The following CADM1 variants were observed in gnomAD, a reference collection of about 807,000 sequenced individuals.
The protein encoded by CADM1 is cell adhesion molecule 1.
CADM1 carries 15 observed loss-of-function variants against 53.1 expected under a neutral mutation model. The ratio of observed to expected loss-of-function variants is 0.28; its 90% CI spans 0.19 to 0.44. The LOEUF (loss-of-function observed/expected upper bound fraction) is 0.44, where lower values mean the gene tolerates loss of function less well. CADM1 is among the 20% of genes least tolerant of loss of function. The probability of loss-of-function intolerance (pLI) is 1.00; values close to 1 mark genes in which losing one functional copy is unlikely to be tolerated. For synonymous variants in CADM1, 281 were observed against 243.0 expected (o/e 1.16, Z -1.45); for missense variants, 434 against 611.3 (o/e 0.71, Z 3.06).
chr11:115,320,957 C>T (rs537597541), intron 1 of CADM1, among the ~76,000 whole-genome samples: 1 of 152,058 alleles, frequency 6.6e-6, no homozygotes. Flanking sequence ...AATAATTATT[C>T]TATCTAAAGC....
intron 1 of CADM1, among the ~76,000 whole-genome samples, chr11:115,405,995 G>C (rs1947303625): frequency 2.0e-5 from 3 of 152,140 alleles, no homozygotes; most frequent in Admixed American, 2.0e-4. Context: ...CTATATATGT[G>C]AAATATACAA....
chr11:115,351,387 C>T (rs1047578628), intron 1 of CADM1, among the ~76,000 whole-genome samples: 1 of 152,170 alleles, frequency 6.6e-6, no homozygotes, highest in African/African-American at 2.4e-5. Context: ...AACAGATAGG[C>T]AGTTGATAGC....
chr11:115,489,128 T>C (rs936320910), intron 1 of CADM1, among the ~76,000 whole-genome samples: 1 of 152,242 alleles, frequency 6.6e-6, no homozygotes, highest in African/African-American at 2.4e-5. Context: ...AAAGTCTAGG[T>C]ATCCCAGGAC....
intron 1 of CADM1, among the ~76,000 whole-genome samples, chr11:115,412,496 G>C (rs1947484131): frequency 6.6e-6 from 1 of 152,198 alleles, no homozygotes; most frequent in Admixed American, 6.5e-5. Context: ...ACTGTGCACA[G>C]CCCCTGAATC....
At chr11:115,493,310 G>A (rs1398746801) in intron 1 of CADM1, among the ~76,000 whole-genome samples, 1 of 151,468 alleles carries the variant, frequency 6.6e-6, no homozygotes, top group Non-Finnish European at 1.5e-5. Context: ...GGAAGAGTAG[G>A]GAAGGCAAGC....
At chr11:115,259,066 A>G (rs1260619672) in intron 1 of CADM1, among the ~76,000 whole-genome samples, 1 of 152,048 alleles carries the variant, frequency 6.6e-6, no homozygotes, top group African/African-American at 2.4e-5. Flanking sequence ...GCTTACTACA[A>G]CCTCTGCTCC....
chr11:115,331,327 G>C (rs1489073302), intron 1 of CADM1, among the ~76,000 whole-genome samples: 1 of 152,028 alleles, frequency 6.6e-6, no homozygotes, highest in African/African-American at 2.4e-5. Flanking sequence ...AGTGTTTTTA[G>C]GCAAAGATTT....
At chr11:115,331,028 T>C (rs1272344154) in intron 1 of CADM1, among the ~76,000 whole-genome samples, 1 of 152,132 alleles carries the variant, frequency 6.6e-6, no homozygotes, top group Non-Finnish European at 1.5e-5. Flanking sequence ...AGGTTGCAGG[T>C]TGGGGGGCCT....
At chr11:115,484,674 G>A (rs1289475980) in intron 1 of CADM1, among the ~76,000 whole-genome samples, 2 of 152,112 alleles carry the variant, frequency 1.3e-5, no homozygotes, top group Non-Finnish European at 2.9e-5. Context: ...TGGGCCGGGC[G>A]CGGTGGCTCA....
chr11:115,234,944 A>T (rs1941960799), intron 3 of CADM1, among the ~76,000 whole-genome samples: 1 of 150,726 alleles, frequency 6.6e-6, no homozygotes, highest in Admixed American at 6.6e-5. Context: ...AGAAAAATGA[A>T]GGGCTTATTC....
intron 7 of CADM1, among the ~76,000 whole-genome samples, chr11:115,212,480 C>A (rs762354376): frequency 6.6e-6 from 1 of 152,152 alleles, no homozygotes; most frequent in Non-Finnish European, 1.5e-5. Flanking sequence ...TCTAGCAAAT[C>A]CCTAGACAAG....
chr11:115,224,300 A>G (rs1000690776), intron 5 of CADM1, among the ~76,000 whole-genome samples: 1 of 151,296 alleles, frequency 6.6e-6, no homozygotes, highest in Non-Finnish European at 1.5e-5. Context: ...AAAAAAAAAA[A>G]TCTACCCTTC....
intron 1 of CADM1, among the ~76,000 whole-genome samples, chr11:115,340,811 C>G (rs1287544142): frequency 6.6e-6 from 1 of 150,430 alleles, no homozygotes; most frequent in Non-Finnish European, 1.5e-5. Flanking sequence ...CAAGCATGTG[C>G]CATCACCCCC....
chr11:115,240,019 C>T (rs1341435247), intron 2 of CADM1, among the ~76,000 whole-genome samples: 2 of 152,044 alleles, frequency 1.3e-5, no homozygotes, highest in African/African-American at 2.4e-5. Context: ...ATTTGGGACT[C>T]GATTGCAATT....
rs1467228899 is a variant in CADM1 at position 115,238,504 on chromosome 11, G to A, written c.420C>T (p.Val140=). 2 of 1,613,818 alleles carry A rather than the reference G, an allele frequency of 1.2e-6. No homozygotes were observed. Among genetic ancestry groups the A allele is most frequent in the Middle Eastern group, 1.7e-4 (1 of 6,058 alleles). ...PPQESYTTIT[V]LVPPRNLMID... is the part of the protein sequence containing the mutation. ...AGCCCCACATGCGTTTCTTACCCAGGACTGTGATGGTGGTGTAACTTTCCT... is the reference window on the plus strand; with the variant it reads ...AGCCCCACATGCGTTTCTTACCCAGAACTGTGATGGTGGTGTAACTTTCCT... Residue 140 remains valine, a synonymous_variant, in exon 3 of 12, where the codon GTC becomes GTT. Transcript: ENST00000331581.
chr11:115,267,361 T>C (rs1943170180), intron 1 of CADM1, among the ~76,000 whole-genome samples: 10 of 152,224 alleles, frequency 6.6e-5, no homozygotes, highest in Admixed American at 6.5e-4. Flanking sequence ...GTGCTGAGCC[T>C]TTTCCACAAG....
At chr11:115,474,349 C>A (rs1949082131) in intron 1 of CADM1, among the ~76,000 whole-genome samples, 2 of 145,846 alleles carry the variant, frequency 1.4e-5, no homozygotes, top group Non-Finnish European at 3.0e-5. Flanking sequence ...GACACTTCAC[C>A]AAGATATTCA....
chr11:115,374,054 TC>T (rs1946379492), intron 1 of CADM1, among the ~76,000 whole-genome samples: 1 of 152,162 alleles, frequency 6.6e-6, no homozygotes, highest in African/African-American at 2.4e-5. Flanking sequence ...AATAAGCACA[TC>T]CCAGGGACCA....
intron 1 of CADM1, among the ~76,000 whole-genome samples, chr11:115,417,651 G>A (rs368150451): frequency 1.3e-5 from 2 of 152,182 alleles, no homozygotes; most frequent in East Asian, 3.9e-4. Flanking sequence ...GTGTGGAGAT[G>A]CTGGACAAGG....
Sources: gnomAD v4.1 joint callset for allele counts (sites outside exome capture counted in the v4.1 genomes callset) on GRCh38, gnomAD v4.1.1 for gene constraint, MANE v1.5 for transcripts, NCBI Gene and HGNC (gene_info 2026-07-23, HGNC 2026-07-21) for gene names.